Variants in NAT10 observed in about 807,000 individuals in gnomAD.
The protein encoded by NAT10 is N-acetyltransferase 10.
NAT10 carries 109 observed loss-of-function variants against 132.2 expected under a neutral mutation model. The observed-to-expected ratio is 0.82, with a 90% CI of 0.71 to 0.97. NAT10 has a LOEUF of 0.97. Among genes scored for constraint, NAT10 ranks in the 50% least tolerant of loss-of-function variants. The pLI is 0.00. For missense variants in NAT10, 1,184 were observed against 1,263.4 expected (o/e 0.94, Z 0.95); for synonymous variants, 479 against 478.0 (o/e 1.00, Z -0.03).
rs547910205 is a variant in NAT10, at chr11:34,106,595, A to G, written c.-16+803A>G. On this transcript the variant is annotated intron_variant, in intron 1 of 28. Transcript: ENST00000257829. ...GCCCCCATTAATTAGTTGTTGATTGATTTTTGCGGGATCTTTATGTGGCCG... is the reference window on the plus strand; with the variant it reads ...GCCCCCATTAATTAGTTGTTGATTGGTTTTTGCGGGATCTTTATGTGGCCG... Among the ~76,000 whole-genome samples the G allele has an allele frequency of 3.9e-5, 6 of 152,194 alleles. No individual in the cohort carries two copies. In the South Asian group the frequency reaches 1.2e-3, roughly 32 times the overall value.
chr11:34,129,767 C>T (rs1207716848), intron 12 of NAT10, among the ~76,000 whole-genome samples: 2 of 151,830 alleles, frequency 1.3e-5, no homozygotes, highest in Non-Finnish European at 2.9e-5. Flanking sequence ...TACCACCATG[C>T]CTGGCTAACT....
At chr11:34,107,838 G>A (rs1396284851) in intron 1 of NAT10, among the ~76,000 whole-genome samples, 1 of 152,230 alleles carries the variant, frequency 6.6e-6, no homozygotes, top group Non-Finnish European at 1.5e-5. Context: ...TCATGCCATT[G>A]CACTCCAGCC....
In NAT10 at chr11:34,131,608, G is replaced by C. The variant is rs1273916036; in HGVS notation, c.1520+77G>C. 5.0e-6 allele frequency: 7 copies of C among 1,408,406 alleles called. No individual in the cohort carries two copies. The East Asian group carries it at 1.8e-4, about 36-fold the overall frequency. The allele number at this position is 1,408,406 out of a possible 1,614,324, so 87.2% of individuals were successfully genotyped here. Reference sequence around the variant, plus strand: ...AGAATTCAAAGGACTTGAGTCCTTTGTTTCATAGGATGCTGCTCTAGAGAA... The same window carrying C: ...AGAATTCAAAGGACTTGAGTCCTTTCTTTCATAGGATGCTGCTCTAGAGAA... On this transcript the variant is annotated intron_variant, in intron 14 of 28. Transcript: ENST00000257829.
chr11:34,116,688 G>T (rs527762079), intron 6 of NAT10, among the ~76,000 whole-genome samples: 2 of 152,058 alleles, frequency 1.3e-5, no homozygotes, highest in Non-Finnish European at 2.9e-5. Context: ...TCTGCCTCCC[G>T]CATTCAAGCA....
chr11:34,112,254 G>A (rs1851709088), intron 4 of NAT10, 31 bp downstream of exon 4: 3 of 1,613,794 alleles, frequency 1.9e-6, no homozygotes, highest in Non-Finnish European at 2.5e-6. Flanking sequence ...TGTGATTGAA[G>A]TCAGAGTCTT....
At chr11:34,140,979 C>T in intron 24 of NAT10, 110 bp from the exon 25 acceptor site, 2 of 1,439,344 alleles carry the variant, frequency 1.4e-6, no homozygotes, top group Non-Finnish European at 1.9e-6. Flanking sequence ...CAGTGCTAGT[C>T]TACCTTTGTA....
In NAT10 at chr11:34,118,293, C is replaced by T. The variant is rs35674959; in HGVS notation, c.671C>T (p.Pro224Leu). Residue 224 changes from proline (P) to leucine (L), a missense_variant and splice_region_variant, in exon 7 of 29, where the codon CCG becomes CTG. By Grantham distance (98) the Pro-to-Leu change is moderately conservative. Coordinates refer to ENST00000257829, the MANE Select transcript of NAT10 (RefSeq NM_024662.3). The stretch of plus-strand genomic sequence containing the variant: ...ATGGAGGCCCTGCCTCCCCAGACTC[C>T]GGTGAGTCTGTGCTGGGGTCCAGGA... Reference protein sequence around the residue: ...ATMEALPPQTPDESLGPSDLE... With the variant: ...ATMEALPPQTLDESLGPSDLE... 1,680 of 1,612,264 alleles carry T rather than the reference C, an allele frequency of 1.0e-3. 19 individuals carry two copies. In the African/African-American group the frequency reaches 0.018, roughly 17 times the overall value.
chr11:34,127,610 G>A lies in NAT10; in HGVS notation c.1244+11G>A. 6.3e-7 allele frequency: 1 copy of A among 1,597,174 alleles called. No individual in the cohort carries two copies. The highest frequency in any genetic ancestry group is 8.6e-7 in the Non-Finnish European group (1 of 1,166,830). On this transcript the variant is annotated intron_variant, in intron 12 of 28. Coordinates refer to ENST00000257829, the MANE Select transcript of NAT10 (RefSeq NM_024662.3). ...ATCCACCATCAATGGGTAAGGTACT[G>A]TGGGCAGGAGTCCTTACTCCCGTGG...
At chr11:34,136,818 G>GAGAA in intron 20 of NAT10, 43 bp downstream of exon 20, 1 of 1,613,864 alleles carries the variant, frequency 6.2e-7, no homozygotes, top group Non-Finnish European at 8.5e-7. Context: ...CCTTGGCATT[G>GAGAA]AGAAAGAAGA....
intron 3 of NAT10, among the ~76,000 whole-genome samples, chr11:34,110,899 C>T (rs1229595784): frequency 6.6e-6 from 1 of 152,138 alleles, no homozygotes. Context: ...TAGGCATTGT[C>T]AGCATCTAGG....
chr11:34,114,570 GCCT>G (rs1320276273), intron 5 of NAT10, among the ~76,000 whole-genome samples: 2 of 152,052 alleles, frequency 1.3e-5, no homozygotes, highest in Non-Finnish European at 2.9e-5. Flanking sequence ...AGCCCTTTTG[GCCT>G]CCTCAAATGT....
intron 15 of NAT10, 152 bp from the exon 16 acceptor site, chr11:34,132,874 A>G: frequency 1.5e-6 from 1 of 685,210 alleles, no homozygotes; most frequent in Admixed American, 2.1e-5. Context: ...CAGGCTTGCC[A>G]AAATACTAGA....
Position 34,139,499 on chromosome 11 carries a change from A to T in NAT10, c.2419+4A>T, listed in dbSNP as rs754065207. ...ATGGGGAAGCCAGCCCAGCCTGGTGAGCCGGGTGGGGACAGGGAGGAGGGT... is the reference window on the plus strand; with the variant it reads ...ATGGGGAAGCCAGCCCAGCCTGGTGTGCCGGGTGGGGACAGGGAGGAGGGT... On this transcript the variant is annotated splice_donor_region_variant and intron_variant, in intron 23 of 28. Coordinates refer to ENST00000257829, the MANE Select transcript of NAT10 (RefSeq NM_024662.3). The T allele has an allele frequency of 7.4e-6, 12 of 1,612,680 alleles. No homozygotes were observed. The Admixed American group carries it at 2.0e-4, about 27-fold the overall frequency.
At chr11:34,127,414 T>G in intron 11 of NAT10, 49 bp from the exon 12 acceptor site, 1 of 1,540,226 alleles carries the variant, frequency 6.5e-7, no homozygotes, top group Non-Finnish European at 8.9e-7. Context: ...TAATCACAGC[T>G]GTGACATGAG....
At position 34,105,656 on chromosome 11, in the gene NAT10, A is replaced by G. The variant is rs1051018624; in HGVS notation, c.-152A>G. 1.0e-4 allele frequency: 16 copies of G among 152,456 alleles called. No homozygotes were observed. Among genetic ancestry groups the G allele is most frequent in the African/African-American group, 2.9e-4 (12 of 41,604 alleles). The allele number at this position is 152,456 out of a possible 1,614,324, so 9.4% of individuals were successfully genotyped here. Reference sequence around the variant, plus strand: ...TTCCTGAGAGGGACGCGTGCCGCGGAGCCAGGCTTACTACGTGACCCGGAC... The same window carrying G: ...TTCCTGAGAGGGACGCGTGCCGCGGGGCCAGGCTTACTACGTGACCCGGAC... On this transcript the variant is annotated 5_prime_UTR_variant, in exon 1 of 29. Transcript: ENST00000257829.
At chr11:34,141,334 C>G (rs1031952299) in intron 25 of NAT10, 126 bp downstream of exon 25, 62 of 1,317,802 alleles carry the variant, frequency 4.7e-5, no homozygotes, top group Non-Finnish European at 6.4e-5. Flanking sequence ...CACACACACA[C>G]ACACACACAC....
At chr11:34,143,147 A>C in intron 27 of NAT10, among the ~76,000 whole-genome samples, 1 of 152,168 alleles carries the variant, frequency 6.6e-6, no homozygotes, top group Non-Finnish European at 1.5e-5. Context: ...AATGAGAGTC[A>C]TGTGGGAAGA....
chr11:34,121,840 CAG>C (rs199634917), intron 8 of NAT10, among the ~76,000 whole-genome samples: 10,202 of 105,526 alleles, frequency 0.097, 416 homozygotes, highest in Middle Eastern at 0.17. Flanking sequence ...AGCCTGGTGA[CAG>C]AGCGAGACTC....
At position 34,131,470 on chromosome 11, in the gene NAT10, C is replaced by T; in HGVS notation, c.1459C>T (p.Leu487=). Residue 487 remains leucine (L), a synonymous_variant, in exon 14 of 29, where the codon CTG becomes TTG. Coordinates refer to ENST00000257829, the MANE Select transcript of NAT10 (RefSeq NM_024662.3). Reference sequence around the variant, plus strand: ...GAAGTGGCTGAATGACTTGCTGTGCCTGGATTGCCTCAACATCACTCGGAT... The same window carrying T: ...GAAGTGGCTGAATGACTTGCTGTGCTTGGATTGCCTCAACATCACTCGGAT... ...VEKWLNDLLC[L]DCLNITRIVS... 8 of 1,614,100 alleles carry T rather than the reference C, an allele frequency of 5.0e-6. No homozygotes were observed. Among genetic ancestry groups the T allele is most frequent in the Non-Finnish European group, 5.9e-6 (7 of 1,180,026 alleles).
Sources: allele counts gnomAD v4.1 joint callset (sites outside exome capture counted in the v4.1 genomes callset), GRCh38; gene constraint gnomAD v4.1.1; transcripts MANE v1.5; gene names NCBI Gene and HGNC (gene_info 2026-07-23, HGNC 2026-07-21).